NSD1: variants seen among roughly 807,000 people sequenced by gnomAD.
The protein encoded by NSD1 is histone-lysine N-methyltransferase, H3 lysine-36 specific.
A neutral mutation model predicts 242.7 loss-of-function variants in NSD1; 26 were observed. That is an observed-to-expected ratio of 0.11 (90% CI 0.08 to 0.15). The LOEUF is 0.15. Among genes scored for constraint, NSD1 ranks in the 10% least tolerant of loss-of-function variants. The pLI, the probability that NSD1 is intolerant of heterozygous loss-of-function variation, is 1.00. For synonymous variants in NSD1, 1,106 were observed against 1,178.1 expected, an observed-to-expected ratio of 0.94 and a Z score of 1.25; for missense variants, 2,495 against 3,272.8, an observed-to-expected ratio of 0.76 and a Z score of 5.80.
chr5:177,218,920 T>C (rs771867168), intron 5 of NSD1, among the ~76,000 whole-genome samples: 42 of 152,002 alleles, frequency 2.8e-4, no homozygotes, highest in Middle Eastern at 3.4e-3. Context: ...ATGTTTCTTT[T>C]AATGTGCTAT....
chr5:177,256,815 A>G, intron 12 of NSD1, 136 bp from the exon 13 acceptor site: 1 of 716,628 alleles, frequency 1.4e-6, no homozygotes, highest in Non-Finnish European at 2.5e-6. Flanking sequence ...TAATAATACT[A>G]AGATTGTTAC....
At chr5:177,248,630 C>G (rs555279805) in intron 11 of NSD1, among the ~76,000 whole-genome samples, 2 of 152,168 alleles carry the variant, frequency 1.3e-5, no homozygotes, top group Non-Finnish European at 2.9e-5. Flanking sequence ...TCCAGTACTT[C>G]TCATGGTGTC....
intron 17 of NSD1, among the ~76,000 whole-genome samples, chr5:177,278,660 T>A (rs1758591721): frequency 6.6e-6 from 1 of 152,224 alleles, no homozygotes; most frequent in South Asian, 2.1e-4. Context: ...ATTTAATATG[T>A]CTACCATGTT....
chr5:177,211,974 C>T lies in NSD1; in HGVS notation c.3575C>T (p.Pro1192Leu). 1 of 1,611,872 alleles carries T rather than the reference C, an allele frequency of 6.2e-7. No homozygotes were observed. Among genetic ancestry groups the T allele is most frequent in the Non-Finnish European group, 8.5e-7 (1 of 1,178,398 alleles). The change falls in exon 5 of 23, where the codon CCT becomes CTT. Residue 1192 changes from proline to leucine, a missense_variant. Pro to Leu is a moderately conservative substitution (Grantham distance 98). This residue lies in a region of NSD1 where 426 missense variants were observed against 411.4 expected (regional missense o/e 1.04). Coordinates refer to ENST00000439151, the MANE Select transcript of NSD1 (RefSeq NM_022455.5). ...GAGTGTGCCTTTAGGGTCTTACTTC[C>T]TAGTGACCCTGTGCAGGAGGGGCGG... Reference protein sequence around the residue: ...NSECAFRVLLPSDPVQEGRDE... With the variant: ...NSECAFRVLLLSDPVQEGRDE...
At chr5:177,273,029 A>G (rs1010197215) in intron 16 of NSD1, among the ~76,000 whole-genome samples, 7 of 152,202 alleles carry the variant, frequency 4.6e-5, no homozygotes, top group African/African-American at 1.7e-4. Context: ...CTGCCAGAGG[A>G]GAGTGAGCAC....
intron 17 of NSD1, among the ~76,000 whole-genome samples, chr5:177,278,955 G>GT (rs1227923725): frequency 6.6e-6 from 1 of 152,202 alleles, no homozygotes; most frequent in African/African-American, 2.4e-5. Flanking sequence ...CACAATAACT[G>GT]TTTGACCTTC....
At chr5:177,138,676 G>A (rs539255447) in intron 2 of NSD1, among the ~76,000 whole-genome samples, 1 of 151,262 alleles carries the variant, frequency 6.6e-6, no homozygotes, top group African/African-American at 2.4e-5. Flanking sequence ...TTTCACTCTT[G>A]TTGCCCAGGC....
At chr5:177,148,792 C>T (rs1385691792) in intron 2 of NSD1, among the ~76,000 whole-genome samples, 1 of 152,268 alleles carries the variant, frequency 6.6e-6, no homozygotes, top group Non-Finnish European at 1.5e-5. Context: ...TACATTCTCA[C>T]TAGCAGTATA....
At chr5:177,287,490 GC>G (rs1759429456) in intron 20 of NSD1, among the ~76,000 whole-genome samples, 1 of 152,106 alleles carries the variant, frequency 6.6e-6, no homozygotes, top group South Asian at 2.1e-4. Flanking sequence ...ACAAAAACTA[GC>G]TGGGCGTGGT....
chr5:177,197,210 C>T (rs1762166653), intron 3 of NSD1, among the ~76,000 whole-genome samples: 1 of 151,226 alleles, frequency 6.6e-6, no homozygotes, highest in African/African-American at 2.4e-5. Flanking sequence ...GTGGAAGTTG[C>T]AATGAGCCGA....
chr5:177,248,139 C>T (rs1766442472), intron 10 of NSD1, 42 bp from the exon 11 acceptor site: 1 of 1,611,230 alleles, frequency 6.2e-7, no homozygotes, highest in Admixed American at 1.7e-5. Context: ...ATGGAAGAGA[C>T]ATCAATAATA....
intron 2 of NSD1, among the ~76,000 whole-genome samples, chr5:177,185,793 A>ATG (rs1761090199): frequency 1.2e-4 from 3 of 25,328 alleles, no homozygotes; most frequent in Non-Finnish European, 1.6e-4. Context: ...TGTATATTAT[A>ATG]TATATATATA....
chr5:177,214,149 T>C, intron 5 of NSD1, among the ~76,000 whole-genome samples: 1 of 152,018 alleles, frequency 6.6e-6, no homozygotes, highest in Non-Finnish European at 1.5e-5. Context: ...CTGGCCAACA[T>C]GGCAAAACCC....
At chr5:177,213,504 G>C (rs1238829670) in intron 5 of NSD1, among the ~76,000 whole-genome samples, 3 of 152,048 alleles carry the variant, frequency 2.0e-5, no homozygotes, top group Non-Finnish European at 4.4e-5. Context: ...GTCTCGCTCT[G>C]TTACCCAGGC....
intron 2 of NSD1, among the ~76,000 whole-genome samples, chr5:177,138,786 C>T (rs1350274624): frequency 1.3e-5 from 2 of 151,260 alleles, no homozygotes; most frequent in Admixed American, 6.6e-5. Flanking sequence ...ATTACAGGTG[C>T]GCACCACCAC....
intron 2 of NSD1, among the ~76,000 whole-genome samples, chr5:177,175,043 T>C (rs1217674732): frequency 6.6e-6 from 1 of 151,736 alleles, no homozygotes; most frequent in Non-Finnish European, 1.5e-5. Flanking sequence ...GGCTAATTTT[T>C]TGTATTTTTA....
chr5:177,279,609 A>ATTTTTTTTTTTT (rs1457964040), intron 17 of NSD1, among the ~76,000 whole-genome samples: 1 of 107,790 alleles, frequency 9.3e-6, no homozygotes, highest in African/African-American at 3.8e-5. Context: ...CAGCTTTGAA[A>ATTTTTTTTTTTT]ATTTTTTTTT....
chr5:177,170,582 A>G (rs1261422883), intron 2 of NSD1, among the ~76,000 whole-genome samples: 2 of 151,560 alleles, frequency 1.3e-5, no homozygotes, highest in East Asian at 3.9e-4. Flanking sequence ...CCAACTCCTG[A>G]GCTCAGGCAA....
chr5:177,274,697 T>TTGTGTG (rs138385964), intron 17 of NSD1, among the ~76,000 whole-genome samples: 5,083 of 145,390 alleles, frequency 0.035, 222 homozygotes, highest in African/African-American at 0.11. Flanking sequence ...CACTTATCCT[T>TTGTGTG]TGTGTGTGTG....
Sources: allele counts gnomAD v4.1 joint callset (sites outside exome capture counted in the v4.1 genomes callset), GRCh38; gene constraint gnomAD v4.1.1; regional missense constraint gnomAD v4.1.1; transcripts MANE v1.5; gene names NCBI Gene and HGNC (gene_info 2026-07-23, HGNC 2026-07-21).